AFF2: variants seen among roughly 807,000 people sequenced by gnomAD.
The protein encoded by AFF2 is ALF transcription elongation factor 2.
AFF2 carries 14 observed loss-of-function variants against 76.9 expected under a neutral mutation model. The ratio of observed to expected loss-of-function variants is 0.18; its 90% confidence interval spans 0.12 to 0.28. AFF2 has a LOEUF of 0.28. Among genes scored for constraint, AFF2 ranks in the 10% least tolerant of loss-of-function variants. AFF2 has a pLI of 1.00. For synonymous variants in AFF2, 398 were observed against 366.7 expected (o/e 1.09, Z -0.98); for missense variants, 868 against 1,001.1 (o/e 0.87, Z 1.79).
chrX:148,676,976 T>C (rs1264315649), intron 3 of AFF2, among the ~76,000 whole-genome samples: 2 of 109,389 alleles, frequency 1.8e-5, no homozygotes, highest in Non-Finnish European at 3.8e-5. Flanking sequence ...GGCAGGGGAG[T>C]TGGGGGAAGG....
In AFF2 at chrX:148,957,147, A is replaced by T. The variant is rs1207821919; in HGVS notation, c.2568+534A>T. On this transcript the variant is annotated intron_variant, in intron 11 of 20. Transcript: ENST00000370460. ...GGTGAAATCCAGAGTGGCCCTTTTC[A>T]TTTGAACTATGTCTAGAGAAATGGT... is the stretch of plus-strand genomic sequence containing the variant. Among the ~76,000 whole-genome samples, 3 of 111,782 alleles carry T rather than the reference A, an allele frequency of 2.7e-5. No homozygotes were observed. The Admixed American group carries it at 2.9e-4, about 11-fold the overall frequency.
chrX:148,951,816 T>TCC (rs11344516), intron 9 of AFF2, among the ~76,000 whole-genome samples: 10 of 110,780 alleles, frequency 9.0e-5, no homozygotes, highest in African/African-American at 3.0e-4. Flanking sequence ...CTCCTCCCTT[T>TCC]CCCCCCCACT....
rs73638185 is a variant in AFF2 at position 148,750,359 on chromosome X, G to A, written c.1042-59517G>A. Among the ~76,000 whole-genome samples the A allele has an allele frequency of 6.2e-3, 691 of 111,418 alleles. 5 individuals are homozygous for A. The highest frequency in any genetic ancestry group is 0.022 in the African/African-American group (669 of 30,597). On this transcript the variant is annotated intron_variant, in intron 3 of 20. Transcript: ENST00000370460. ...TTGGTTTTATTTTCTGGGGGGAATAGCATTTGACATTTTCCCATCCTTCTT... is the reference window on the plus strand; with the variant it reads ...TTGGTTTTATTTTCTGGGGGGAATAACATTTGACATTTTCCCATCCTTCTT...
At chrX:148,790,088 T>C (rs895538092) in intron 3 of AFF2, among the ~76,000 whole-genome samples, 8 of 112,068 alleles carry the variant, frequency 7.1e-5, no homozygotes, top group African/African-American at 2.6e-4. Context: ...TCCATTGATA[T>C]GTTGAATTGC....
chrX:148,726,476 A>G (rs1449505044), intron 3 of AFF2, among the ~76,000 whole-genome samples: 1 of 111,947 alleles, frequency 8.9e-6, no homozygotes, highest in African/African-American at 3.2e-5. Flanking sequence ...CTTATAAAAA[A>G]GCCTTTCTAA....
chrX:148,987,157 T>C (rs781991997), intron 19 of AFF2, among the ~76,000 whole-genome samples: 26 of 111,714 alleles, frequency 2.3e-4, no homozygotes, highest in African/African-American at 8.1e-4. Context: ...AGCTATTGCA[T>C]TGACAAAAGC....
intron 1 of AFF2, among the ~76,000 whole-genome samples, chrX:148,563,946 T>G (rs1008502092): frequency 2.7e-5 from 3 of 112,002 alleles, no homozygotes; most frequent in Non-Finnish European, 1.9e-5. Flanking sequence ...GAAAGACAAC[T>G]GACCCTCTCC....
intron 4 of AFF2, among the ~76,000 whole-genome samples, chrX:148,831,275 T>C (rs1465868271): frequency 8.9e-6 from 1 of 112,090 alleles, no homozygotes; most frequent in African/African-American, 3.2e-5. Context: ...CTTACGAAGA[T>C]GACAGGATTA....
At chrX:148,860,721 A>G (rs2070838001) in intron 7 of AFF2, among the ~76,000 whole-genome samples, 1 of 112,173 alleles carries the variant, frequency 8.9e-6, no homozygotes, top group Non-Finnish European at 1.9e-5. Context: ...GAACATTTAC[A>G]GCAATATGTA....
intron 8 of AFF2, among the ~76,000 whole-genome samples, chrX:148,898,430 GAGA>G (rs1230200838): frequency 3.6e-5 from 4 of 112,448 alleles, no homozygotes; most frequent in Non-Finnish European, 7.5e-5. Context: ...GAGACCAGTA[GAGA>G]AGTGAGGTGG....
intron 9 of AFF2, among the ~76,000 whole-genome samples, chrX:148,913,737 CCTT>C (rs1557282220): frequency 8.9e-6 from 1 of 112,159 alleles, no homozygotes; most frequent in Admixed American, 9.4e-5. Flanking sequence ...CTAACTCTGT[CCTT>C]CTTAGTGTTT....
intron 3 of AFF2, among the ~76,000 whole-genome samples, chrX:148,688,915 T>C (rs1603277515): frequency 8.9e-6 from 1 of 112,328 alleles, no homozygotes; most frequent in Admixed American, 9.4e-5. Context: ...TATAATCTTA[T>C]GAGGCCACCA....
chrX:148,959,169 C>A (rs1455983200), intron 12 of AFF2, among the ~76,000 whole-genome samples: 2 of 111,264 alleles, frequency 1.8e-5, no homozygotes, highest in African/African-American at 6.6e-5. Flanking sequence ...AGGAGGCCTC[C>A]TGGCACCTCC....
chrX:148,717,063 A>G (rs1445896410), intron 3 of AFF2, among the ~76,000 whole-genome samples: 1 of 112,444 alleles, frequency 8.9e-6, no homozygotes, highest in Non-Finnish European at 1.9e-5. Flanking sequence ...TTCTAGGTAT[A>G]CATTTAAGAG....
At chrX:148,538,532 C>T (rs1047285642) in intron 1 of AFF2, among the ~76,000 whole-genome samples, 23 of 112,508 alleles carry the variant, frequency 2.0e-4, no homozygotes, top group African/African-American at 7.4e-4. Context: ...GAATATCTGG[C>T]GAAGCACTGA....
At chrX:148,908,610 G>C (rs2071435599) in intron 9 of AFF2, among the ~76,000 whole-genome samples, 1 of 111,324 alleles carries the variant, frequency 9.0e-6, no homozygotes, top group Admixed American at 9.6e-5. Flanking sequence ...AATAACATTT[G>C]ATTGTCTTTT....
intron 4 of AFF2, among the ~76,000 whole-genome samples, chrX:148,830,944 A>T (rs781995783): frequency 9.0e-6 from 1 of 111,685 alleles, no homozygotes; most frequent in Non-Finnish European, 1.9e-5. Context: ...TAAAAAAAAA[A>T]GACAGACTTT....
chrX:148,817,155 C>T (rs2070275954), intron 4 of AFF2, among the ~76,000 whole-genome samples: 2 of 110,455 alleles, frequency 1.8e-5, no homozygotes, highest in South Asian at 7.5e-4. Flanking sequence ...GAATTATGAA[C>T]AGAAAATCAT....
rs185708711 is a variant in AFF2, at chrX:148,634,548, G to A, written c.48-17451G>A. On this transcript the variant is annotated intron_variant, in intron 1 of 20. Transcript: ENST00000370460. ...ACTTTTGGATGGTTACTTTTGCTGA[G>A]TTTTACAGAATAATAATACCTTACA... Among the ~76,000 whole-genome samples, 3 of 111,739 alleles carry A rather than the reference G, an allele frequency of 2.7e-5. No homozygotes were observed. In the East Asian group the frequency reaches 8.5e-4, roughly 32 times the overall value.
Sources: allele counts gnomAD v4.1 joint callset (sites outside exome capture counted in the v4.1 genomes callset), GRCh38; gene constraint gnomAD v4.1.1; transcripts MANE v1.5; gene names NCBI Gene and HGNC (gene_info 2026-07-23, HGNC 2026-07-21).